Variants in KCNMB2 observed in about 807,000 individuals in gnomAD.
The protein encoded by KCNMB2 is calcium-activated potassium channel subunit beta-2.
In KCNMB2, 9 loss-of-function variants were observed where a neutral mutation model predicts 24.5. The ratio of observed to expected loss-of-function variants is 0.37; its 90% CI spans 0.22 to 0.64. The LOEUF is 0.64. KCNMB2 is among the 30% of genes least tolerant of loss of function. The pLI is 0.63. For synonymous variants in KCNMB2, 109 were observed against 104.4 expected, an observed-to-expected ratio of 1.04 and a Z score of -0.27; for missense variants, 226 against 284.3, an observed-to-expected ratio of 0.79 and a Z score of 1.47.
At chr3:178,601,371 A>T (rs1326153875) in intron 1 of KCNMB2, among the ~76,000 whole-genome samples, 9 of 152,172 alleles carry the variant, frequency 5.9e-5, no homozygotes, top group South Asian at 2.1e-4. Context: ...TAAAAATTTT[A>T]AAAATGAAGG....
At chr3:178,556,498 G>C (rs553987271) in intron 1 of KCNMB2, among the ~76,000 whole-genome samples, 5 of 152,092 alleles carry the variant, frequency 3.3e-5, no homozygotes, top group African/African-American at 9.7e-5. Context: ...TCCGCCTTCC[G>C]GTTTCAAGCA....
chr3:178,683,946 C>A (rs1476332313), intron 1 of KCNMB2, among the ~76,000 whole-genome samples: 1 of 152,098 alleles, frequency 6.6e-6, no homozygotes, highest in African/African-American at 2.4e-5. Flanking sequence ...TCCAACAACC[C>A]CTCTTCTGGT....
chr3:178,740,151 C>T (rs1231748681), intron 1 of KCNMB2, among the ~76,000 whole-genome samples: 1 of 151,076 alleles, frequency 6.6e-6, no homozygotes, highest in African/African-American at 2.4e-5. Context: ...CAGAGTCTTG[C>T]TCTGTCGCCC....
chr3:178,697,566 T>G (rs1422616592), intron 1 of KCNMB2, among the ~76,000 whole-genome samples: 2 of 152,176 alleles, frequency 1.3e-5, no homozygotes, highest in Non-Finnish European at 2.9e-5. Flanking sequence ...CCAGCTTACC[T>G]CTCTATGCCT....
chr3:178,550,681 G>C (rs1347815276), intron 1 of KCNMB2, among the ~76,000 whole-genome samples: 1 of 151,902 alleles, frequency 6.6e-6, no homozygotes, highest in African/African-American at 2.4e-5. Flanking sequence ...CTCTAAGAAG[G>C]AACATCAGTA....
chr3:178,577,602 C>G (rs1479795774), intron 1 of KCNMB2, among the ~76,000 whole-genome samples: 1 of 152,068 alleles, frequency 6.6e-6, no homozygotes, highest in Non-Finnish European at 1.5e-5. Flanking sequence ...TAACCCAATA[C>G]AAGGAAGCTA....
At chr3:178,763,013 T>C (rs1173840400) in intron 1 of KCNMB2, among the ~76,000 whole-genome samples, 2 of 152,086 alleles carry the variant, frequency 1.3e-5, no homozygotes, top group African/African-American at 4.8e-5. Flanking sequence ...TTTGGGAGTC[T>C]TGGAAGTCAC....
chr3:178,585,385 T>C (rs1717391067), intron 1 of KCNMB2, among the ~76,000 whole-genome samples: 1 of 152,222 alleles, frequency 6.6e-6, no homozygotes, highest in Non-Finnish European at 1.5e-5. Flanking sequence ...CAAGTTATTA[T>C]ATTAACCATC....
At position 178,709,134 on chromosome 3, in the gene KCNMB2, G is replaced by A. The variant is rs147062570; in HGVS notation, c.-67-98209G>A. 3.8e-4 allele frequency among the ~76,000 whole-genome samples: 58 copies of A among 152,250 alleles called. No individual in the cohort carries two copies. The East Asian group carries it at 4.8e-3, about 13-fold the overall frequency. ...TGCAAATTCCCAAAGATTTGGAGCC[G>A]AAGCCAATTTGTTAGTTTGCAAATG... On this transcript the variant is annotated intron_variant, in intron 1 of 4. Transcript: ENST00000452583.
chr3:178,629,366 G>A (rs1343406620), intron 1 of KCNMB2, among the ~76,000 whole-genome samples: 2 of 152,300 alleles, frequency 1.3e-5, no homozygotes, highest in Non-Finnish European at 2.9e-5. Flanking sequence ...GGAAAAAGGA[G>A]GTGATTCCTC....
Position 178,636,803 on chromosome 3 carries a change from A to G in KCNMB2, c.-68+100092A>G, listed in dbSNP as rs113188435. Among the ~76,000 whole-genome samples, 1,343 of 149,954 alleles carry G rather than the reference A, an allele frequency of 9.0e-3. 19 individuals carry two copies. Among genetic ancestry groups the G allele is most frequent in the African/African-American group, 0.031 (1,269 of 40,332 alleles). On this transcript the variant is annotated intron_variant, in intron 1 of 4. Coordinates refer to ENST00000452583, the MANE Select transcript of KCNMB2 (RefSeq NM_181361.3). ...GATGTGCAGGTTTGTTACAGAGGTA[A>G]ACATGTGCCGTGGTGGTTTGCTGCA...
chr3:178,628,901 C>G (rs2108535407), intron 1 of KCNMB2, among the ~76,000 whole-genome samples: 1 of 152,276 alleles, frequency 6.6e-6, no homozygotes, highest in South Asian at 2.1e-4. Flanking sequence ...TTAAATTGCT[C>G]ATGTCCCAAG....
intron 1 of KCNMB2, among the ~76,000 whole-genome samples, chr3:178,657,627 C>T (rs1196459332): frequency 6.6e-6 from 1 of 152,124 alleles, no homozygotes; most frequent in African/African-American, 2.4e-5. Flanking sequence ...TGTTTTGTAC[C>T]ACACTGTCTT....
chr3:178,812,322 G>A (rs1242616564), intron 2 of KCNMB2, among the ~76,000 whole-genome samples: 2 of 151,280 alleles, frequency 1.3e-5, no homozygotes, highest in Non-Finnish European at 2.9e-5. Context: ...GTGCCATGAT[G>A]GTGTGCTGCA....
In KCNMB2 at chr3:178,759,363, CTCCAAGAGGATATATATATATATATA is replaced by C. The variant is rs1711581743; in HGVS notation, c.-67-47977_-67-47952del. Among the ~76,000 whole-genome samples, 25 of 48,386 alleles carry C rather than the reference CTCCAAGAGGATATATATATATATATA, an allele frequency of 5.2e-4. 2 individuals carry two copies. The highest frequency in any genetic ancestry group is 3.2e-3 in the African/African-American group (22 of 6,926). The allele number at this position is 48,386 out of a possible 152,430, so 31.7% of individuals were successfully genotyped here. A position where few individuals can be genotyped will look rare whatever the true frequency, so the allele number is the denominator to read the frequency against. On this transcript the variant is annotated intron_variant, in intron 1 of 4. Coordinates refer to ENST00000452583, the MANE Select transcript of KCNMB2 (RefSeq NM_181361.3). ...CAAGAGGATATATATATATATATATCTCCAAGAGGATATATATATATATATATCTCTCCAAGAGGATATATATATAT... is the reference window on the plus strand; with the variant it reads ...CAAGAGGATATATATATATATATATCTCTCTCCAAGAGGATATATATATAT...
chr3:178,583,817 G>A (rs1349073522), intron 1 of KCNMB2, among the ~76,000 whole-genome samples: 2 of 152,304 alleles, frequency 1.3e-5, no homozygotes, highest in East Asian at 1.9e-4. Context: ...AACGGCCAGA[G>A]TTAATGGTTC....
At chr3:178,544,879 T>C (rs1180914906) in intron 1 of KCNMB2, among the ~76,000 whole-genome samples, 1 of 152,208 alleles carries the variant, frequency 6.6e-6, no homozygotes, top group Non-Finnish European at 1.5e-5. Flanking sequence ...TTTATAAATC[T>C]CAGGTGACTA....
chr3:178,791,231 C>T (rs1458185086), intron 1 of KCNMB2, among the ~76,000 whole-genome samples: 1 of 152,120 alleles, frequency 6.6e-6, no homozygotes, highest in Non-Finnish European at 1.5e-5. Context: ...TTCAAGACAA[C>T]ACAGAGAAGG....
intron 1 of KCNMB2, among the ~76,000 whole-genome samples, chr3:178,766,393 T>C (rs1430241729): frequency 6.6e-6 from 1 of 152,070 alleles, no homozygotes; most frequent in Non-Finnish European, 1.5e-5. Context: ...GGGGTCTCAC[T>C]GTGTTGCCCA....
Sources: gnomAD v4.1 joint callset for allele counts (sites outside exome capture counted in the v4.1 genomes callset) on GRCh38, gnomAD v4.1.1 for gene constraint, MANE v1.5 for transcripts, NCBI Gene and HGNC (gene_info 2026-07-23, HGNC 2026-07-21) for gene names.